LRRC7: variants seen among roughly 807,000 people sequenced by gnomAD.
LRRC7 encodes leucine rich repeat containing 7.
LRRC7 carries 23 observed loss-of-function variants against 175.7 expected under a neutral mutation model. The observed-to-expected ratio is 0.13, with a 90% CI of 0.09 to 0.19. The LOEUF is 0.19. Among genes scored for constraint, LRRC7 ranks in the 10% least tolerant of loss-of-function variants. The probability of loss-of-function intolerance (pLI) is 1.00; values close to 1 mark genes in which losing one functional copy is unlikely to be tolerated. For synonymous variants in LRRC7, 685 were observed against 680.9 expected (o/e 1.01, Z -0.09); for missense variants, 1,354 against 1,904.7 (o/e 0.71, Z 5.38).
At chr1:70,042,807 C>T (rs17131152) in intron 21 of LRRC7, among the ~76,000 whole-genome samples, 8 of 152,094 alleles carry the variant, frequency 5.3e-5, no homozygotes, top group African/African-American at 1.4e-4. Context: ...AATAATGAAT[C>T]CATAACAAAT....
intron 25 of LRRC7, among the ~76,000 whole-genome samples, chr1:70,103,433 G>GA (rs1664935586): frequency 1.3e-5 from 2 of 152,236 alleles, no homozygotes; most frequent in South Asian, 4.1e-4. Flanking sequence ...TGTTACAGCA[G>GA]AAAAATGGTC....
chr1:69,674,332 A>G (rs1659499993), intron 1 of LRRC7, among the ~76,000 whole-genome samples: 1 of 152,166 alleles, frequency 6.6e-6, no homozygotes, highest in South Asian at 2.1e-4. Context: ...GCCTTCTTCT[A>G]CTTCTGATGA....
At chr1:69,933,267 A>G (rs1316781158) in intron 8 of LRRC7, among the ~76,000 whole-genome samples, 1 of 152,220 alleles carries the variant, frequency 6.6e-6, no homozygotes, top group Non-Finnish European at 1.5e-5. Context: ...TGTTGTTACA[A>G]AGCAGTTTGC....
rs185588102 is a variant in LRRC7 at position 69,744,556 on chromosome 1, G to A, written c.101-15635G>A. ...GGATTTGTCCTGAATGCATTCATAT[G>A]TTAATCTCACTATAATTGCCGGAGG... On this transcript the variant is annotated intron_variant, in intron 2 of 26. Transcript: ENST00000651989. Among the ~76,000 whole-genome samples the A allele has an allele frequency of 7.2e-5, 11 of 151,982 alleles. No homozygotes were observed. The East Asian group carries it at 1.7e-3, about 24-fold the overall frequency.
At chr1:69,794,190 G>C (rs1675446782) in intron 4 of LRRC7, among the ~76,000 whole-genome samples, 1 of 151,874 alleles carries the variant, frequency 6.6e-6, no homozygotes. Context: ...CATAAACAGG[G>C]GACACGGACC....
At chr1:69,874,957 A>G (rs1685913677) in intron 7 of LRRC7, 1 of 152,050 alleles carries the variant, frequency 6.6e-6, no homozygotes. Flanking sequence ...TCTCTCAAAA[A>G]TTAAAAGGTA....
At chr1:70,058,626 G>A (rs1369353144) in intron 23 of LRRC7, among the ~76,000 whole-genome samples, 1 of 152,150 alleles carries the variant, frequency 6.6e-6, no homozygotes, top group African/African-American at 2.4e-5. Flanking sequence ...ATGCTTTAAT[G>A]TATTTCTTTA....
intron 17 of LRRC7, 38 bp from the exon 18 acceptor site, chr1:70,028,133 G>T: frequency 6.4e-7 from 1 of 1,553,154 alleles, no homozygotes. Flanking sequence ...GCTTGCTGAA[G>T]TTATTTTTAT....
At chr1:69,638,519 TG>T (rs1653732003) in intron 1 of LRRC7, among the ~76,000 whole-genome samples, 1 of 151,744 alleles carries the variant, frequency 6.6e-6, no homozygotes, top group Non-Finnish European at 1.5e-5. Context: ...ATTCCTATAA[TG>T]GATGAAATAG....
chr1:69,592,534 T>A lies in LRRC7; in HGVS notation c.2+23893T>A, dbSNP rs551289168. ...CAAACACTATTGTAAATGTTCCATC[T>A]AGCTGGCGAAGATCGCCTGATTTGA... On this transcript the variant is annotated intron_variant, in intron 1 of 26. Transcript: ENST00000651989. Among the ~76,000 whole-genome samples, 6 of 152,200 alleles carry A rather than the reference T, an allele frequency of 3.9e-5. No individual in the cohort carries two copies. In the South Asian group the frequency reaches 1.2e-3, roughly 31 times the overall value.
At position 70,037,897 on chromosome 1, in the gene LRRC7, A is replaced by G. The variant is rs778661505; in HGVS notation, c.2289-216A>G. Among the ~76,000 whole-genome samples, 126 of 152,154 alleles carry G rather than the reference A, an allele frequency of 8.3e-4. 2 individuals carry two copies. The highest frequency in any genetic ancestry group is 3.8e-4 in the Non-Finnish European group (26 of 68,034). ...AATAGATAAGTAAATTATATAGTATATTAGAAGGTGATTATTACTAGGAAA... is the reference window on the plus strand; with the variant it reads ...AATAGATAAGTAAATTATATAGTATGTTAGAAGGTGATTATTACTAGGAAA... On this transcript the variant is annotated intron_variant, in intron 20 of 26. Transcript: ENST00000651989.
At chr1:69,634,849 A>C (rs1406866887) in intron 1 of LRRC7, among the ~76,000 whole-genome samples, 1 of 152,140 alleles carries the variant, frequency 6.6e-6, no homozygotes, top group Admixed American at 6.6e-5. Flanking sequence ...TGGGCCGCAG[A>C]CTGAAGCACA....
At chr1:69,855,544 A>G (rs1278457564) in intron 7 of LRRC7, among the ~76,000 whole-genome samples, 1 of 152,128 alleles carries the variant, frequency 6.6e-6, no homozygotes, top group African/African-American at 2.4e-5. Flanking sequence ...CTTTACTTCC[A>G]ACTATGTGGT....
chr1:69,859,989 C>T (rs187277994), intron 7 of LRRC7, among the ~76,000 whole-genome samples: 29 of 152,086 alleles, frequency 1.9e-4, no homozygotes, highest in East Asian at 7.7e-4. Context: ...AGCCAACTTA[C>T]GATCTCAATT....
intron 1 of LRRC7, among the ~76,000 whole-genome samples, chr1:69,659,949 A>G (rs947045672): frequency 1.4e-5 from 2 of 139,820 alleles, no homozygotes; most frequent in Non-Finnish European, 3.2e-5. Context: ...AAAATAAGAT[A>G]GTAGACTTAA....
chr1:70,112,338 G>T (rs1033719663), intron 26 of LRRC7, among the ~76,000 whole-genome samples: 1 of 152,020 alleles, frequency 6.6e-6, no homozygotes, highest in African/African-American at 2.4e-5. Context: ...TATTATCATT[G>T]CTCTGTTCTA....
intron 1 of LRRC7, among the ~76,000 whole-genome samples, chr1:69,581,792 A>C (rs917880338): frequency 6.6e-6 from 1 of 152,060 alleles, no homozygotes; most frequent in African/African-American, 2.4e-5. Context: ...TTTTTTTGGC[A>C]TGAAAAGAAA....
At chr1:69,622,093 A>G (rs1569994854) in intron 1 of LRRC7, among the ~76,000 whole-genome samples, 2 of 152,202 alleles carry the variant, frequency 1.3e-5, no homozygotes, top group Admixed American at 6.5e-5. Flanking sequence ...CTAGCTACTC[A>G]TCTTCTGTCT....
chr1:69,643,126 G>A (rs1211949706), intron 1 of LRRC7, among the ~76,000 whole-genome samples: 2 of 152,066 alleles, frequency 1.3e-5, no homozygotes, highest in East Asian at 1.9e-4. Flanking sequence ...GAGAAAATGG[G>A]CCTCAGCTCA....
Sources: gnomAD v4.1 joint callset for allele counts (sites outside exome capture counted in the v4.1 genomes callset) on GRCh38, gnomAD v4.1.1 for gene constraint, MANE v1.5 for transcripts, NCBI Gene and HGNC (gene_info 2026-07-23, HGNC 2026-07-21) for gene names.